CCDC7: variants seen among roughly 807,000 people sequenced by gnomAD.
The protein encoded by CCDC7 is coiled-coil domain containing 7, also known as coiled-coil domain-containing protein 7.
CCDC7 carries 183 observed loss-of-function variants against 196.9 expected under a neutral mutation model. That is an observed-to-expected ratio of 0.93 (90% CI 0.82 to 1.05). The LOEUF (loss-of-function observed/expected upper bound fraction) is 1.05. Ranked by LOEUF, CCDC7 falls within the 50% of genes least tolerant of loss-of-function variation. The probability of loss-of-function intolerance (pLI) is 0.00; values close to 1 mark genes in which losing one functional copy is unlikely to be tolerated. For synonymous variants in CCDC7, 525 were observed against 484.6 expected (o/e 1.08, Z -1.10); for missense variants, 1,540 against 1,482.2 (o/e 1.04, Z -0.64).
At chr10:32,591,334 T>G (rs1449126125) in intron 18 of CCDC7, among the ~76,000 whole-genome samples, 5 of 152,102 alleles carry the variant, frequency 3.3e-5, no homozygotes, top group Non-Finnish European at 7.4e-5. Flanking sequence ...TGATGCATTA[T>G]TCAGCATGTT....
At chr10:32,528,499 C>T (rs750742728) in intron 11 of CCDC7, among the ~76,000 whole-genome samples, 24 of 151,344 alleles carry the variant, frequency 1.6e-4, no homozygotes, top group South Asian at 4.2e-4. Context: ...TGAGAGCATA[C>T]GGTGTTTGGT....
intron 28 of CCDC7, among the ~76,000 whole-genome samples, chr10:32,738,393 A>G (rs548264728): frequency 2.6e-4 from 39 of 152,120 alleles, no homozygotes; most frequent in Non-Finnish European, 4.6e-4. Flanking sequence ...ATCATGGAGA[A>G]CATTGTTACC....
intron 28 of CCDC7, among the ~76,000 whole-genome samples, chr10:32,746,080 C>T (rs189335741): frequency 1.3e-5 from 2 of 152,168 alleles, no homozygotes; most frequent in Admixed American, 1.3e-4. Flanking sequence ...CCAGACACAG[C>T]CAGGAAGAGC....
chr10:32,877,125 G>A (rs1251329193), downstream of CCDC7: 1 of 151,930 alleles, frequency 6.6e-6, no homozygotes, highest in African/African-American at 2.4e-5. Context: ...ACAAAATAAA[G>A]TGAAATAAAA....
chr10:32,745,078 C>T (rs2074481581), intron 28 of CCDC7, among the ~76,000 whole-genome samples: 1 of 152,158 alleles, frequency 6.6e-6, no homozygotes, highest in South Asian at 2.1e-4. Context: ...AAAAGATATT[C>T]CTTTCGTCAT....
At chr10:32,662,104 T>G (rs2071593866) in intron 20 of CCDC7, among the ~76,000 whole-genome samples, 1 of 152,194 alleles carries the variant, frequency 6.6e-6, no homozygotes, top group African/African-American at 2.4e-5. Flanking sequence ...TGAGTTTAGC[T>G]TGATTTTTCT....
At chr10:32,513,891 A>C (rs937178127) in intron 9 of CCDC7, 2 of 152,214 alleles carry the variant, frequency 1.3e-5, no homozygotes, top group Non-Finnish European at 2.9e-5. Context: ...TCAACATCAT[A>C]CTCAGTGGTG....
intron 18 of CCDC7, among the ~76,000 whole-genome samples, chr10:32,608,402 G>T (rs984672066): frequency 4.6e-5 from 7 of 151,836 alleles, no homozygotes; most frequent in Non-Finnish European, 1.0e-4. Context: ...CTGTTTATTT[G>T]AGATCTTTTT....
chr10:32,774,906 G>A (rs544216881), intron 28 of CCDC7, among the ~76,000 whole-genome samples: 3 of 152,204 alleles, frequency 2.0e-5, no homozygotes, highest in East Asian at 1.9e-4. Flanking sequence ...TCCAGGTTTG[G>A]TATCATATTA....
chr10:32,690,460 A>G (rs759001552), intron 23 of CCDC7, among the ~76,000 whole-genome samples: 2 of 152,220 alleles, frequency 1.3e-5, no homozygotes, highest in African/African-American at 4.8e-5. Context: ...GTTGCAAACA[A>G]GTTCCCTCAG....
chr10:32,819,896 A>G lies in CCDC7; in HGVS notation c.3182-4622A>G, dbSNP rs368952971. 9.8e-5 allele frequency among the ~76,000 whole-genome samples: 15 copies of G among 152,336 alleles called. No individual in the cohort carries two copies. In the East Asian group the frequency reaches 2.5e-3, roughly 25 times the overall value. Reference sequence around the variant, plus strand: ...CAAAAACTGGAAGCATTCCCTTTGAAAACTGGCACAAGACAGGGATGTCCT... The same window carrying G: ...CAAAAACTGGAAGCATTCCCTTTGAGAACTGGCACAAGACAGGGATGTCCT... On this transcript the variant is annotated intron_variant, in intron 31 of 41. Coordinates refer to ENST00000639629, the Ensembl canonical transcript of CCDC7.
chr10:32,760,708 C>G (rs569126388), intron 28 of CCDC7, among the ~76,000 whole-genome samples: 37 of 151,604 alleles, frequency 2.4e-4, no homozygotes, highest in African/African-American at 8.0e-4. Context: ...AACAAACCTG[C>G]ACGTTGTGCA....
intron 20 of CCDC7, among the ~76,000 whole-genome samples, chr10:32,636,544 T>C (rs1383461163): frequency 2.0e-5 from 3 of 152,254 alleles, no homozygotes; most frequent in South Asian, 2.1e-4. Flanking sequence ...CATGTCCCTA[T>C]AAAGGACATG....
chr10:32,747,054 C>A lies in CCDC7; in HGVS notation c.2905+17597C>A, dbSNP rs150713861. On this transcript the variant is annotated intron_variant, in intron 28 of 41. Coordinates refer to ENST00000639629, the Ensembl canonical transcript of CCDC7. ...TGACAAAGCACTTTGCTGGGACCCC[C>A]CCAACTGAGTGTTGTTGCCAGCAGA... 1.1e-4 allele frequency among the ~76,000 whole-genome samples: 17 copies of A among 152,290 alleles called. No individual in the cohort carries two copies. In the East Asian group the frequency reaches 2.7e-3, roughly 24 times the overall value.
intron 28 of CCDC7, among the ~76,000 whole-genome samples, chr10:32,760,792 CA>C (rs1290159647): frequency 1.3e-5 from 2 of 150,994 alleles, no homozygotes; most frequent in East Asian, 3.9e-4. Flanking sequence ...AAAGAACACC[CA>C]AAGCAAGATG....
chr10:32,733,971 C>T (rs1362589775), intron 28 of CCDC7, among the ~76,000 whole-genome samples: 3 of 152,164 alleles, frequency 2.0e-5, no homozygotes, highest in Non-Finnish European at 4.4e-5. Flanking sequence ...CACTTACACA[C>T]TGTTGGTGGG....
At chr10:32,594,282 T>C (rs944633274) in intron 18 of CCDC7, among the ~76,000 whole-genome samples, 1 of 152,222 alleles carries the variant, frequency 6.6e-6, no homozygotes, top group Non-Finnish European at 1.5e-5. Context: ...GTAAGTTGTA[T>C]TCCTAGGTAT....
downstream of CCDC7, among the ~76,000 whole-genome samples, chr10:32,879,420 T>C (rs1282047190): frequency 1.3e-5 from 2 of 152,200 alleles, no homozygotes; most frequent in South Asian, 2.1e-4. Flanking sequence ...TGGAGGTCGT[T>C]GCTCGGGGCG....
chr10:32,826,036 CTT>C (rs2091057564), intron 32 of CCDC7, among the ~76,000 whole-genome samples: 1 of 152,198 alleles, frequency 6.6e-6, no homozygotes, highest in East Asian at 1.9e-4. Context: ...GCCTTTGCAT[CTT>C]TGTCTGAGGA....
Sources: gnomAD v4.1 joint callset for allele counts (sites outside exome capture counted in the v4.1 genomes callset) on GRCh38, gnomAD v4.1.1 for gene constraint, MANE v1.5 for transcripts, NCBI Gene and HGNC (gene_info 2026-07-23, HGNC 2026-07-21) for gene names.